Variants in GSE1 observed in about 807,000 individuals in gnomAD.
The protein encoded by GSE1 is genetic suppressor element 1.
Under a neutral mutation model 112.6 loss-of-function variants are expected in GSE1, and 32 were observed. The observed-to-expected ratio is 0.28, with a 90% confidence interval of 0.21 to 0.38. The LOEUF (loss-of-function observed/expected upper bound fraction) is 0.38, where lower values mean the gene tolerates loss of function less well. Among genes scored for constraint, GSE1 ranks in the 10% least tolerant of loss-of-function variants. The pLI, the probability that GSE1 is intolerant of heterozygous loss-of-function variation, is 1.00. For missense variants in GSE1, 2,348 were observed against 1,699.2 expected (o/e 1.38, Z -6.71); for synonymous variants, 1,115 against 735.6 (o/e 1.52, Z -8.35).
intron 1 of GSE1, among the ~76,000 whole-genome samples, chr16:85,332,468 G>A (rs1449481204): frequency 1.3e-5 from 2 of 152,180 alleles, no homozygotes; most frequent in Non-Finnish European, 2.9e-5. Flanking sequence ...GGCTCAGGGA[G>A]GGGATGTGAC....
At chr16:85,581,750 C>T (rs1249582095) in intron 1 of GSE1, among the ~76,000 whole-genome samples, 1 of 152,174 alleles carries the variant, frequency 6.6e-6, no homozygotes, top group Non-Finnish European at 1.5e-5. Context: ...TCAGTGAGCT[C>T]GCCCTTCCTT....
intron 2 of GSE1, among the ~76,000 whole-genome samples, chr16:85,392,123 C>T (rs140414226): frequency 2.3e-4 from 35 of 152,294 alleles, no homozygotes; most frequent in South Asian, 2.3e-3. Context: ...CAGATCATCT[C>T]CCTGCCCTTG....
At position 85,655,730 on chromosome 16, in the gene GSE1, G is replaced by C. The variant is rs1296183616; in HGVS notation, c.802G>C (p.Asp268His). ...AGCCCCGTCTTCTCTGCACAGGATGGACGACTCCTACTGCCTGTCTGCCCT... is the reference window on the plus strand; with the variant it reads ...AGCCCCGTCTTCTCTGCACAGGATGCACGACTCCTACTGCCTGTCTGCCCT... Reference protein sequence around the residue: ...HPFPHPAFRMDDSYCLSALRS... With the variant: ...HPFPHPAFRMHDSYCLSALRS... The change falls in exon 6 of 16, where the codon GAC becomes CAC. Residue 268 changes from aspartate to histidine, a missense_variant. Transcript: ENST00000253458. 1.9e-6 allele frequency: 3 copies of C among 1,599,922 alleles called. No individual in the cohort carries two copies. Among genetic ancestry groups the C allele is most frequent in the African/African-American group, 2.7e-5 (2 of 74,662 alleles).
At chr16:85,528,678 GT>G (rs1188364886) in intron 2 of GSE1, among the ~76,000 whole-genome samples, 2 of 124,818 alleles carry the variant, frequency 1.6e-5, no homozygotes, top group Non-Finnish European at 3.5e-5. Context: ...GTTTTGTTTT[GT>G]TTTTTGATGG....
intron 1 of GSE1, among the ~76,000 whole-genome samples, chr16:85,338,947 A>C (rs1211359189): frequency 6.6e-6 from 1 of 152,174 alleles, no homozygotes; most frequent in Admixed American, 6.5e-5. Context: ...AGCAGGCAGA[A>C]GCATGGGGCA....
At chr16:85,660,463 C>T (rs1275540001) in intron 8 of GSE1, among the ~76,000 whole-genome samples, 2 of 152,070 alleles carry the variant, frequency 1.3e-5, no homozygotes, top group Non-Finnish European at 2.9e-5. Context: ...TTGGTGAAAC[C>T]CTATCTCTAC....
chr16:85,393,716 G>A (rs1034101415), intron 2 of GSE1, among the ~76,000 whole-genome samples: 1 of 152,222 alleles, frequency 6.6e-6, no homozygotes, highest in Non-Finnish European at 1.5e-5. Context: ...GGCAGCAGGC[G>A]GTTCAGGGTT....
chr16:85,517,926 G>A (rs1001296685), intron 2 of GSE1, among the ~76,000 whole-genome samples: 2 of 152,360 alleles, frequency 1.3e-5, no homozygotes, highest in African/African-American at 4.8e-5. Context: ...AGGGCTGATG[G>A]AGCGCCCCTC....
At chr16:85,569,900 C>T (rs1234534383) in intron 1 of GSE1, among the ~76,000 whole-genome samples, 1 of 152,190 alleles carries the variant, frequency 6.6e-6, no homozygotes, top group Admixed American at 6.5e-5. Context: ...CCGCCCACCT[C>T]TGTGTGGAGA....
At chr16:85,304,546 G>A (rs574962022) in intron 1 of GSE1, among the ~76,000 whole-genome samples, 1 of 149,204 alleles carries the variant, frequency 6.7e-6, no homozygotes, top group South Asian at 2.1e-4. Context: ...GAAAGGAAAG[G>A]GAAGTGGGGA....
chr16:85,426,508 G>A (rs2048994337), intron 2 of GSE1, among the ~76,000 whole-genome samples: 1 of 122,970 alleles, frequency 8.1e-6, no homozygotes, highest in Admixed American at 8.7e-5. Flanking sequence ...ATGGATGGAT[G>A]GAAGAGTGGG....
chr16:85,352,579 A>G (rs1486020796), intron 1 of GSE1, among the ~76,000 whole-genome samples: 1 of 152,220 alleles, frequency 6.6e-6, no homozygotes, highest in Non-Finnish European at 1.5e-5. Flanking sequence ...AAGACACAGC[A>G]CATATGCAGG....
intron 2 of GSE1, among the ~76,000 whole-genome samples, chr16:85,445,015 C>G (rs2049473940): frequency 1.3e-5 from 2 of 152,254 alleles, no homozygotes; most frequent in South Asian, 4.1e-4. Context: ...TTTCATGCTT[C>G]AGGTTTCCCG....
chr16:85,476,711 C>A (rs889247385), intron 2 of GSE1, among the ~76,000 whole-genome samples: 1 of 151,480 alleles, frequency 6.6e-6, no homozygotes, highest in Middle Eastern at 3.4e-3. Flanking sequence ...ACAGCTCAGT[C>A]GATCTTCCCA....
intron 1 of GSE1, among the ~76,000 whole-genome samples, chr16:85,197,595 G>A (rs1413996830): frequency 6.6e-6 from 1 of 152,156 alleles, no homozygotes; most frequent in African/African-American, 2.4e-5. Flanking sequence ...TGCGTCGCCG[G>A]CAGTCACAAG....
intron 2 of GSE1, among the ~76,000 whole-genome samples, chr16:85,431,853 T>G (rs1249920476): frequency 3.9e-5 from 6 of 152,218 alleles, no homozygotes; most frequent in Non-Finnish European, 8.8e-5. Flanking sequence ...CTGACATCTG[T>G]TTCAGTAAGT....
exon 1 of GSE1, chr16:85,170,533 C>T (rs1317372321): frequency 1.0e-6 from 1 of 985,832 alleles, no homozygotes; most frequent in Non-Finnish European, 1.2e-6. Context: ...CAAGGAACAG[C>T]CTTTCCCAGG....
intron 1 of GSE1, among the ~76,000 whole-genome samples, chr16:85,217,857 A>G (rs1276588491): frequency 2.6e-5 from 4 of 152,080 alleles, no homozygotes; most frequent in African/African-American, 9.7e-5. Flanking sequence ...GTCCCCAGTC[A>G]GAAGTCCTTC....
rs192562954 is a variant in GSE1 at position 85,262,611 on chromosome 16, G to A, written c.2283+90804G>A. 5.3e-5 allele frequency among the ~76,000 whole-genome samples: 8 copies of A among 152,364 alleles called. No homozygotes were observed. In the South Asian group the frequency reaches 6.2e-4, roughly 12 times the overall value. On this transcript the variant is annotated intron_variant, in intron 1 of 2. Coordinates refer to the GSE1 transcript ENST00000637419. ...TCAGCAGGAGAAGGACGCAAGGCCA[G>A]AACGCCTGATCCCTAGAGCCTGAAT...
Sources: gnomAD v4.1 joint callset for allele counts (sites outside exome capture counted in the v4.1 genomes callset) on GRCh38, gnomAD v4.1.1 for gene constraint, MANE v1.5 for transcripts, NCBI Gene and HGNC (gene_info 2026-07-23, HGNC 2026-07-21) for gene names.